RHOBTB3: variants seen among roughly 807,000 people sequenced by gnomAD.
The protein encoded by RHOBTB3 is Rho related BTB domain containing 3.
In RHOBTB3, 47 loss-of-function variants were observed where a neutral mutation model predicts 67.2. That is an observed-to-expected ratio of 0.70 (90% CI 0.55 to 0.89). The LOEUF is 0.89. Ranked by LOEUF, RHOBTB3 falls within the 40% of genes least tolerant of loss-of-function variation. The pLI, the probability that RHOBTB3 is intolerant of heterozygous loss-of-function variation, is 0.00. For synonymous variants in RHOBTB3, 273 were observed against 274.2 expected (o/e 1.00, Z 0.04); for missense variants, 631 against 750.0 (o/e 0.84, Z 1.85).
intron 7 of RHOBTB3, among the ~76,000 whole-genome samples, chr5:95,764,804 T>C (rs1007302675): frequency 1.3e-5 from 2 of 152,188 alleles, no homozygotes; most frequent in Non-Finnish European, 2.9e-5. Flanking sequence ...TGAAGATTCT[T>C]GATTGTTCTT....
intron 3 of RHOBTB3, among the ~76,000 whole-genome samples, chr5:95,747,948 C>A (rs992520224): frequency 6.6e-6 from 1 of 152,166 alleles, no homozygotes; most frequent in Non-Finnish European, 1.5e-5. Flanking sequence ...AAAAGCAAAT[C>A]CACTGTTTTC....
chr5:95,722,164 G>T (rs1335326388), intron 1 of RHOBTB3, among the ~76,000 whole-genome samples: 1 of 152,136 alleles, frequency 6.6e-6, no homozygotes, highest in Non-Finnish European at 1.5e-5. Context: ...AGTACCCAAT[G>T]GATGGCCATA....
intron 3 of RHOBTB3, among the ~76,000 whole-genome samples, chr5:95,743,424 C>G (rs1755656061): frequency 6.6e-6 from 1 of 151,984 alleles, no homozygotes; most frequent in African/African-American, 2.4e-5. Flanking sequence ...GCCGCCTCCT[C>G]CTTGTTGCTC....
At chr5:95,745,133 G>A (rs986099401) in intron 3 of RHOBTB3, among the ~76,000 whole-genome samples, 1 of 151,860 alleles carries the variant, frequency 6.6e-6, no homozygotes, top group Non-Finnish European at 1.5e-5. Context: ...ATGGGATCTC[G>A]CTATGTCAAC....
Position 95,768,141 on chromosome 5 carries a change from T to C in RHOBTB3, c.1257T>C (p.Leu419=), listed in dbSNP as rs772285824. ...AGTTTTTCCTTAATAAGCCGATGCTTGCCGATGTTGTCTTCGAAATTCAAG... is the reference window on the plus strand; with the variant it reads ...AGTTTTTCCTTAATAAGCCGATGCTCGCCGATGTTGTCTTCGAAATTCAAG... ...SLKFFLNKPM[L]ADVVFEIQGT... The change falls in exon 8 of 12, where the codon CTT becomes CTC. Residue 419 remains leucine (L), a synonymous_variant. Transcript: ENST00000379982. The C allele has an allele frequency of 6.2e-7, 1 of 1,612,998 alleles. No individual in the cohort carries two copies. Among genetic ancestry groups the C allele is most frequent in the Non-Finnish European group, 8.5e-7 (1 of 1,179,554 alleles).
rs959806393 is a variant in RHOBTB3 at position 95,795,965 on chromosome 5, C to T, written c.*2791C>T. On this transcript the variant is annotated 3_prime_UTR_variant, in exon 12 of 12. Transcript: ENST00000379982. Reference sequence around the variant, plus strand: ...GGCCAAAGTCTTTACCCTATTTAACCCTTTGTATATTTCTGACTGCTCACT... The same window carrying T: ...GGCCAAAGTCTTTACCCTATTTAACTCTTTGTATATTTCTGACTGCTCACT... 6.6e-6 allele frequency: 1 copy of T among 152,050 alleles called. No individual in the cohort carries two copies. Among genetic ancestry groups the T allele is most frequent in the East Asian group, 1.9e-4 (1 of 5,132 alleles). 9.4% of individuals were successfully genotyped at this position (152,050 alleles called of 1,614,324 possible). A position where few individuals can be genotyped will look rare whatever the true frequency, so the allele number is the denominator to read the frequency against.
intron 6 of RHOBTB3, among the ~76,000 whole-genome samples, chr5:95,763,120 C>T (rs1745439339): frequency 6.6e-6 from 1 of 152,134 alleles, no homozygotes; most frequent in Non-Finnish European, 1.5e-5. Context: ...CACTGCTGCC[C>T]ATAACTGGTA....
At position 95,763,702 on chromosome 5, in the gene RHOBTB3, G is replaced by A. The variant is rs1006833830; in HGVS notation, c.1161+82G>A. 8.7e-5 allele frequency: 67 copies of A among 773,116 alleles called. 1 individual carries two copies. The Middle Eastern group carries it at 1.0e-3, about 12-fold the overall frequency. 47.9% of individuals were successfully genotyped at this position (773,116 alleles called of 1,614,324 possible). A position where few individuals can be genotyped will look rare whatever the true frequency, so the allele number is the denominator to read the frequency against. On this transcript the variant is annotated intron_variant, in intron 7 of 11. Transcript: ENST00000379982. ...ACTATGATGAATATAAAATTGAGTCGTTAGAAGAGTCAAATACTGTATAAA... is the reference window on the plus strand; with the variant it reads ...ACTATGATGAATATAAAATTGAGTCATTAGAAGAGTCAAATACTGTATAAA...
At position 95,793,711 on chromosome 5, in the gene RHOBTB3, TA is replaced by T. The variant is rs113237047; in HGVS notation, c.*545del. ...ATTGATGACAGTGTTTGAATCATCA[TA>T]AAAAAAATACCTGCTTTTCATCTGG... On this transcript the variant is annotated 3_prime_UTR_variant, in exon 12 of 12. Coordinates refer to ENST00000379982, the MANE Select transcript of RHOBTB3 (RefSeq NM_014899.4). 0.024 allele frequency: 5,444 copies of T among 224,620 alleles called. 82 individuals are homozygous for T. Among genetic ancestry groups the T allele is most frequent in the Middle Eastern group, 0.04 (22 of 544 alleles). The allele number at this position is 224,620 out of a possible 1,614,324, so 13.9% of individuals were successfully genotyped here.
At chr5:95,778,378 A>G (rs1158660233) in intron 8 of RHOBTB3, among the ~76,000 whole-genome samples, 1 of 151,608 alleles carries the variant, frequency 6.6e-6, no homozygotes, top group Non-Finnish European at 1.5e-5. Flanking sequence ...AAAACTTTGT[A>G]TATGTTCAAT....
chr5:95,774,910 A>G (rs528124721), intron 8 of RHOBTB3, among the ~76,000 whole-genome samples: 5 of 152,264 alleles, frequency 3.3e-5, no homozygotes, highest in African/African-American at 9.6e-5. Flanking sequence ...TATATATATG[A>G]TAGCATTGAC....
At chr5:95,781,428 G>A (rs923098198) in intron 9 of RHOBTB3, 1 of 152,262 alleles carries the variant, frequency 6.6e-6, no homozygotes, top group African/African-American at 2.4e-5. Context: ...AACAAGTCAT[G>A]AGCCCTCTAG....
chr5:95,792,517 G>A (rs929014611), intron 11 of RHOBTB3, among the ~76,000 whole-genome samples: 2 of 151,910 alleles, frequency 1.3e-5, no homozygotes, highest in African/African-American at 2.4e-5. Flanking sequence ...AGGAAGCCAG[G>A]CGTGGTGGCT....
At chr5:95,770,413 G>C (rs1438981599) in intron 8 of RHOBTB3, 4 of 233,514 alleles carry the variant, frequency 1.7e-5, no homozygotes, top group Non-Finnish European at 3.6e-5. Flanking sequence ...ATTATTAAAA[G>C]AATATTCAAC....
chr5:95,771,019 AT>A (rs1220412035), intron 8 of RHOBTB3, among the ~76,000 whole-genome samples: 1 of 152,190 alleles, frequency 6.6e-6, no homozygotes, highest in Non-Finnish European at 1.5e-5. Flanking sequence ...TCACTGAGGC[AT>A]TTTTACTACT....
At chr5:95,742,389 C>G (rs1580399541) in intron 3 of RHOBTB3, among the ~76,000 whole-genome samples, 1 of 152,176 alleles carries the variant, frequency 6.6e-6, no homozygotes, top group East Asian at 1.9e-4. Flanking sequence ...AATCCCCTGC[C>G]TTATGTATCA....
At chr5:95,730,358 A>T (rs1358357418), upstream of RHOBTB3, among the ~76,000 whole-genome samples, 1 of 152,230 alleles carries the variant, frequency 6.6e-6, no homozygotes, top group East Asian at 1.9e-4. Flanking sequence ...ACTGGTTAGA[A>T]TTTTAATACT....
Position 95,731,989 on chromosome 5 carries a change from A to G in RHOBTB3, c.133A>G (p.Asn45Asp). The G allele has an allele frequency of 6.2e-7, 1 of 1,614,158 alleles. No homozygotes were observed. Among genetic ancestry groups the G allele is most frequent in the Non-Finnish European group, 8.5e-7 (1 of 1,180,018 alleles). Residue 45 changes from asparagine to aspartate, a missense_variant, in exon 2 of 12, where the codon AAC becomes GAC. Transcript: ENST00000379982. The stretch of plus-strand genomic sequence containing the variant: ...CGGGGACGAGAGCAGCTTGTTGCTG[A>G]ACGCGGCCAGCACGGTCGCGCGTCC... ...VSGDESSLLL[N>D]AASTVARPVF...
chr5:95,755,529 C>T lies in RHOBTB3; in HGVS notation c.816C>T (p.Ile272=), dbSNP rs141051942. 2.5e-5 allele frequency: 40 copies of T among 1,614,108 alleles called. No individual in the cohort carries two copies. The highest frequency in any genetic ancestry group is 4.0e-5 in the African/African-American group (3 of 75,036). The change falls in exon 6 of 12, where the codon ATC becomes ATT. Residue 272 remains isoleucine, a synonymous_variant. Transcript: ENST00000379982. ...AGAAAGTTGTAGAGGCCCACAAGAT[C>T]GTTCTCTGCGCTGTAAGCCATGTTT... The part of the protein sequence containing the change: ...NLKKVVEAHK[I]VLCAVSHVFM...
Sources: allele counts gnomAD v4.1 joint callset (sites outside exome capture counted in the v4.1 genomes callset), GRCh38; gene constraint gnomAD v4.1.1; transcripts MANE v1.5; gene names NCBI Gene and HGNC (gene_info 2026-07-23, HGNC 2026-07-21).